The following WDFY3 variants were observed in gnomAD, a reference collection of about 807,000 sequenced individuals.
WDFY3 encodes WD repeat and FYVE domain-containing protein 3.
In WDFY3, 66 loss-of-function variants were observed where a neutral mutation model predicts 409.6. That is an observed-to-expected ratio of 0.16 (90% CI 0.13 to 0.20). The LOEUF is 0.20. Among genes scored for constraint, WDFY3 ranks in the 10% least tolerant of loss-of-function variants. WDFY3 has a pLI of 1.00. For synonymous variants in WDFY3, 1,521 were observed against 1,537.1 expected (o/e 0.99, Z 0.25); for missense variants, 3,031 against 4,298.1 (o/e 0.71, Z 8.24).
At chr4:84,686,670 G>A (rs1279736597) in intron 62 of WDFY3, among the ~76,000 whole-genome samples, 1 of 152,150 alleles carries the variant, frequency 6.6e-6, no homozygotes, top group Admixed American at 6.5e-5. Context: ...AGGGTAAGGT[G>A]GCAATGGATA....
intron 2 of WDFY3, among the ~76,000 whole-genome samples, chr4:84,907,596 C>T (rs1192736527): frequency 6.6e-6 from 1 of 152,134 alleles, no homozygotes; most frequent in East Asian, 1.9e-4. Flanking sequence ...TAAGCCAGGG[C>T]CACCTAGTTA....
chr4:84,687,980 T>C lies in WDFY3; in HGVS notation c.9543+106A>G, dbSNP rs1728613634. On this transcript the variant is annotated intron_variant, in intron 62 of 67. Coordinates refer to ENST00000295888, the MANE Select transcript of WDFY3 (RefSeq NM_014991.6). ...AACTAATCCTCCTGCGGTAGCCTCC[T>C]GAGCAGCTGCAACTCAGACATGTTC... 3 of 1,235,518 alleles carry C rather than the reference T, an allele frequency of 2.4e-6. No individual in the cohort carries two copies. The South Asian group carries it at 4.2e-5, about 17-fold the overall frequency. The allele number at this position is 1,235,518 out of a possible 1,614,324, so 76.5% of individuals were successfully genotyped here.
At chr4:84,913,988 T>C (rs950564932) in intron 2 of WDFY3, among the ~76,000 whole-genome samples, 1 of 152,182 alleles carries the variant, frequency 6.6e-6, no homozygotes, top group East Asian at 1.9e-4. Context: ...ACTTAATGAA[T>C]GGTAAATACA....
intron 67 of WDFY3, among the ~76,000 whole-genome samples, chr4:84,675,103 TCAC>T (rs996910135): frequency 6.6e-5 from 10 of 151,734 alleles, no homozygotes; most frequent in Middle Eastern, 3.2e-3. Flanking sequence ...CCTGAGTAGC[TCAC>T]CACCACACCT....
intron 21 of WDFY3, 59 bp downstream of exon 21, chr4:84,794,460 C>T (rs1749030808): frequency 1.9e-5 from 28 of 1,467,006 alleles, no homozygotes; most frequent in Admixed American, 6.2e-5. Context: ...AAAATAAATA[C>T]AAAAATGAAG....
At position 84,778,569 on chromosome 4, in the gene WDFY3, A is replaced by G. The variant is rs1337164445; in HGVS notation, c.4452T>C (p.Asp1484=). 1 of 1,612,456 alleles carries G rather than the reference A, an allele frequency of 6.2e-7. No homozygotes were observed. Among genetic ancestry groups the G allele is most frequent in the Non-Finnish European group, 8.5e-7 (1 of 1,179,516 alleles). The part of the protein sequence containing the change: ...HLTFSLVGTV[D]SGHETSIIPN... ...GAATAATGGAGGTCTCATGTCCACT[A>G]TCAACAGTTCCCACCAAAGAAAAAG... The change falls in exon 27 of 68, where the codon GAT becomes GAC. Residue 1484 remains aspartate, a synonymous_variant. Transcript: ENST00000295888.
At chr4:84,862,730 G>C (rs1226481181) in intron 3 of WDFY3, among the ~76,000 whole-genome samples, 1 of 152,110 alleles carries the variant, frequency 6.6e-6, no homozygotes, top group African/African-American at 2.4e-5. Context: ...GCTGACGCCT[G>C]TAATCCCAGC....
At chr4:84,791,566 T>C (rs955779919) in intron 21 of WDFY3, among the ~76,000 whole-genome samples, 2 of 152,184 alleles carry the variant, frequency 1.3e-5, no homozygotes, top group Non-Finnish European at 2.9e-5. Flanking sequence ...CTTTTTGACA[T>C]TGATTTGGTT....
Position 84,901,024 on chromosome 4 carries a change from C to T in WDFY3, c.-131-4014G>A, listed in dbSNP as rs148318621. Among the ~76,000 whole-genome samples, 728 of 152,322 alleles carry T rather than the reference C, an allele frequency of 4.8e-3. 4 individuals carry two copies. Among genetic ancestry groups the T allele is most frequent in the African/African-American group, 0.016 (683 of 41,566 alleles). On this transcript the variant is annotated intron_variant, in intron 2 of 67. Coordinates refer to ENST00000295888, the MANE Select transcript of WDFY3 (RefSeq NM_014991.6). ...CTTGTCTGGTGAGGGCTGCTCTCTG[C>T]TTCCAAGATGATGCCTTGTTGCTGC...
At chr4:84,699,816 C>T (rs1230995406) in intron 56 of WDFY3, among the ~76,000 whole-genome samples, 1 of 151,478 alleles carries the variant, frequency 6.6e-6, no homozygotes, top group African/African-American at 2.4e-5. Context: ...TAATGATGTT[C>T]AGCATCTTTT....
At chr4:84,695,513 G>GATAT (rs1163367289) in intron 58 of WDFY3, among the ~76,000 whole-genome samples, 4 of 111,282 alleles carry the variant, frequency 3.6e-5, no homozygotes, top group African/African-American at 1.6e-4. Flanking sequence ...GAGAGATAGA[G>GATAT]AGAGAGAGAG....
chr4:84,692,269 T>C (rs1050891893), intron 59 of WDFY3, among the ~76,000 whole-genome samples: 1 of 152,190 alleles, frequency 6.6e-6, no homozygotes, highest in African/African-American at 2.4e-5. Context: ...TCGCCAACAG[T>C]GACTGACGCT....
In WDFY3 at chr4:84,777,908, G is replaced by A. The variant is rs201131897; in HGVS notation, c.4518+595C>T. Among the ~76,000 whole-genome samples the A allele has an allele frequency of 3.3e-5, 5 of 152,226 alleles. No individual in the cohort carries two copies. In the East Asian group the frequency reaches 9.6e-4, roughly 29 times the overall value. On this transcript the variant is annotated intron_variant, in intron 27 of 67. Transcript: ENST00000295888. The stretch of plus-strand genomic sequence containing the variant: ...GGAAAAAGGATATAAGTGATCACGA[G>A]TTGCCTTGAGAGAACAGAGTGTAAG...
intron 21 of WDFY3, among the ~76,000 whole-genome samples, chr4:84,790,121 G>A (rs776086698): frequency 2.6e-5 from 4 of 151,960 alleles, no homozygotes; most frequent in Non-Finnish European, 5.9e-5. Flanking sequence ...AGGCTGAGGC[G>A]GGCGGATCAC....
intron 3 of WDFY3, among the ~76,000 whole-genome samples, chr4:84,870,923 C>CT (rs1560969551): frequency 6.6e-6 from 1 of 151,722 alleles, no homozygotes; most frequent in Non-Finnish European, 1.5e-5. Context: ...CAAAAGCACT[C>CT]TAACAGATAT....
At chr4:84,743,181 T>A (rs1178635366) in intron 37 of WDFY3, among the ~76,000 whole-genome samples, 1 of 152,250 alleles carries the variant, frequency 6.6e-6, no homozygotes, top group Non-Finnish European at 1.5e-5. Flanking sequence ...TCTTTTATAA[T>A]TCTACTTTGT....
intron 3 of WDFY3, among the ~76,000 whole-genome samples, chr4:84,878,573 C>T (rs559650836): frequency 1.3e-5 from 2 of 152,254 alleles, no homozygotes; most frequent in East Asian, 3.9e-4. Flanking sequence ...AAAATTTATA[C>T]ATCCAAATGA....
At chr4:84,778,358 T>C (rs1745913228) in intron 27 of WDFY3, 145 bp downstream of exon 27, 1 of 797,680 alleles carries the variant, frequency 1.3e-6, no homozygotes, top group Admixed American at 3.9e-5. Flanking sequence ...TATTCTACTT[T>C]TTATATTTTA....
Position 84,672,724 on chromosome 4 carries a change from A to G in WDFY3, c.*144T>C. The G allele has an allele frequency of 3.3e-6, 4 of 1,216,646 alleles. No homozygotes were observed. The South Asian group carries it at 6.0e-5, about 18-fold the overall frequency. 75.4% of individuals were successfully genotyped at this position (1,216,646 alleles called of 1,614,324 possible). ...CCTGTACTCTACACCCGTTTTATTC[A>G]ATGATCCCTTTGAATTTTAACACTT... On this transcript the variant is annotated 3_prime_UTR_variant, in exon 68 of 68. Transcript: ENST00000295888.
Sources: allele counts gnomAD v4.1 joint callset (sites outside exome capture counted in the v4.1 genomes callset), GRCh38; gene constraint gnomAD v4.1.1; transcripts MANE v1.5; gene names NCBI Gene and HGNC (gene_info 2026-07-23, HGNC 2026-07-21).